IRF6: variants seen among roughly 807,000 people sequenced by gnomAD.
The protein encoded by IRF6 is Van der Woude syndrome.
A neutral mutation model predicts 51.4 loss-of-function variants in IRF6; 6 were observed. The ratio of observed to expected loss-of-function variants is 0.12; its 90% CI spans 0.06 to 0.23. The LOEUF (loss-of-function observed/expected upper bound fraction) is 0.23, where lower values mean the gene tolerates loss of function less well. IRF6 is among the 10% of genes least tolerant of loss of function. The pLI is 1.00. For synonymous variants in IRF6, 178 were observed against 215.7 expected, an observed-to-expected ratio of 0.83 and a Z score of 1.53; for missense variants, 348 against 585.2, an observed-to-expected ratio of 0.59 and a Z score of 4.18.
At chr1:209,798,908 CAAAA>C (rs61182544) in intron 3 of IRF6, among the ~76,000 whole-genome samples, 1 of 99,096 alleles carries the variant, frequency 1.0e-5, no homozygotes, top group African/African-American at 4.2e-5. Context: ...GACTCTGTCT[CAAAA>C]AAAAAAAAAA....
intron 4 of IRF6, among the ~76,000 whole-genome samples, chr1:209,795,839 T>G (rs924950396): frequency 1.2e-4 from 17 of 144,632 alleles, no homozygotes; most frequent in African/African-American, 4.0e-4. Context: ...ATTAAAAAAT[T>G]TTTTTAACAG....
chr1:209,790,804 G>A lies in IRF6; in HGVS notation c.751C>T (p.Leu251Phe). The change falls in exon 7 of 9, where the codon CTC (leucine) becomes TTC (phenylalanine). Residue 251 changes from leucine to phenylalanine, a missense_variant. Coordinates refer to ENST00000367021, the MANE Select transcript of IRF6 (RefSeq NM_006147.4). The surrounding 1 kb of genome is among the most constrained non-coding windows in gnomAD (Gnocchi z 4.8). The stretch of plus-strand genomic sequence containing the variant: ...ATGGGACCCAGGTCCCCATAGAAGA[G>A]TCGGCAGCCCTGAGGGTTGCTCACG... ...MTVSNPQGCR[L>F]FYGDLGPMPD... 1 of 1,614,134 alleles carries A rather than the reference G, an allele frequency of 6.2e-7. No homozygotes were observed. Among genetic ancestry groups the A allele is most frequent in the South Asian group, 1.1e-5 (1 of 91,078 alleles).
At chr1:209,789,169 T>C (rs2077852841) in intron 8 of IRF6, among the ~76,000 whole-genome samples, 1 of 151,878 alleles carries the variant, frequency 6.6e-6, no homozygotes. Flanking sequence ...CTGCTAAAAA[T>C]AAAATTAGGC....
rs753244751 is a variant in IRF6 at position 209,801,316 on chromosome 1, G to C, written c.98C>G (p.Ser33Cys). 3.7e-6 allele frequency: 6 copies of C among 1,614,030 alleles called. No homozygotes were observed. Among genetic ancestry groups the C allele is most frequent in the South Asian group, 1.1e-5 (1 of 91,086 alleles). ...TTTCCAGGGAATCTGGAAGCGTTTA[G>C]AGTCCCTGTGTAGCCAGATGAGCCC... The part of the protein sequence containing the change: ...YPGLIWLHRD[S>C]KRFQIPWKHA... The change falls in exon 3 of 9, where the codon TCT (serine) becomes TGT (cysteine). Residue 33 changes from serine to cysteine, a missense_variant. By Grantham distance (112) the Ser-to-Cys change is moderately radical. Transcript: ENST00000367021.
At chr1:209,802,490 A>AT (rs2077950054) in intron 1 of IRF6, among the ~76,000 whole-genome samples, 1 of 152,194 alleles carries the variant, frequency 6.6e-6, no homozygotes, top group African/African-American at 2.4e-5. Flanking sequence ...TTGTGTTTGG[A>AT]TTTTTTGGTG....
chr1:209,793,010 G>A (rs2077878343), intron 5 of IRF6: 1 of 151,660 alleles, frequency 6.6e-6, no homozygotes, highest in Non-Finnish European at 1.5e-5. Context: ...TGTAAACCAT[G>A]TGAAAGTATT....
chr1:209,802,758 A>G (rs2077951345), intron 1 of IRF6, among the ~76,000 whole-genome samples: 1 of 152,150 alleles, frequency 6.6e-6, no homozygotes, highest in South Asian at 2.1e-4. Context: ...AAACCAAACA[A>G]CCTTACAGCA....
chr1:209,792,375 G>GCTGCAGTTGCCCACA lies in IRF6; in HGVS notation c.546_560dup (p.Val183_Ser187dup), dbSNP rs2077874489. 1 of 1,614,072 alleles carries GCTGCAGTTGCCCACA rather than the reference G, an allele frequency of 6.2e-7. No homozygotes were observed. Among genetic ancestry groups the GCTGCAGTTGCCCACA allele is most frequent in the Non-Finnish European group, 8.5e-7 (1 of 1,180,038 alleles). On this transcript the variant is annotated inframe_insertion, in exon 6 of 9. Transcript: ENST00000367021. ...CAGTTTTGGGCCACACTGCCTCCGG[G>GCTGCAGTTGCCCACA]CTGCAGTTGCCCACACTGCAATTGC... is the stretch of plus-strand genomic sequence containing the variant.
At position 209,789,771 on chromosome 1, in the gene IRF6, G is replaced by T; in HGVS notation, c.1075C>A (p.Gln359Lys). The change falls in exon 8 of 9, where the codon CAG becomes AAG. Residue 359 changes from glutamine (Q) to lysine (K), a missense_variant. By Grantham distance (53) the Gln-to-Lys change is moderately conservative. Coordinates refer to ENST00000367021, the MANE Select transcript of IRF6 (RefSeq NM_006147.4). ...ETFLSDLIAHQKGQIEKQPPF... is the reference protein window; with the variant it reads ...ETFLSDLIAHKKGQIEKQPPF... ...GGCTGCTTCTCTATCTGTCCTTTCT[G>T]GTGGGCAATGAGATCTGCAGAAAGT... is the stretch of plus-strand genomic sequence containing the variant. The T allele has an allele frequency of 6.2e-7, 1 of 1,613,518 alleles. No homozygotes were observed.
chr1:209,789,881 G>C (rs1332631807), intron 7 of IRF6, 96 bp from the exon 8 acceptor site: 1 of 815,122 alleles, frequency 1.2e-6, no homozygotes, highest in African/African-American at 1.7e-5. Flanking sequence ...ATAGCCACTA[G>C]CCACATGTGC....
At chr1:209,791,159 G>A (rs2077866698) in intron 6 of IRF6, 1 of 567,784 alleles carries the variant, frequency 1.8e-6, no homozygotes. Context: ...ATCAAGTAAA[G>A]TGGTCCTGGT....
At chr1:209,801,465 C>A in intron 2 of IRF6, 49 bp from the exon 3 acceptor site, 3 of 1,435,360 alleles carry the variant, frequency 2.1e-6, no homozygotes, top group East Asian at 2.3e-5. Flanking sequence ...ATTAGGCCAG[C>A]CACTGGGAAC....
chr1:209,796,241 C>A lies in IRF6; in HGVS notation c.379+107G>T, dbSNP rs1234091872. The A allele has an allele frequency of 3.4e-6, 3 of 894,086 alleles. No homozygotes were observed. The highest frequency in any genetic ancestry group is 5.2e-6 in the Non-Finnish European group (3 of 571,638). The allele number at this position is 894,086 out of a possible 1,614,324, so 55.4% of individuals were successfully genotyped here. A position where few individuals can be genotyped will look rare whatever the true frequency, so the allele number is the denominator to read the frequency against. On this transcript the variant is annotated intron_variant, in intron 4 of 8. Transcript: ENST00000367021. This position sits in a 1 kb window ranked among gnomAD's most constrained non-coding sequence, Gnocchi z 4.5. Reference sequence around the variant, plus strand: ...CAGAGAAAGGCTTTCTTGCTTTATCCATCTTAAACTGTGTAAATCAGGCTG... The same window carrying A: ...CAGAGAAAGGCTTTCTTGCTTTATCAATCTTAAACTGTGTAAATCAGGCTG...
intron 3 of IRF6, among the ~76,000 whole-genome samples, chr1:209,800,916 T>C (rs1379385861): frequency 6.6e-6 from 1 of 152,180 alleles, no homozygotes; most frequent in Middle Eastern, 3.2e-3. Flanking sequence ...CTCTGAGTTA[T>C]TGAGGAGGAA....
chr1:209,795,533 C>T (rs1258444240), intron 4 of IRF6, 115 bp from the exon 5 acceptor site: 26 of 1,478,328 alleles, frequency 1.8e-5, no homozygotes, highest in South Asian at 9.4e-5. Context: ...AGGTTCAGTA[C>T]ACACCCTCAA....
At chr1:209,800,777 A>T (rs1014038969) in intron 3 of IRF6, among the ~76,000 whole-genome samples, 1 of 152,118 alleles carries the variant, frequency 6.6e-6, no homozygotes, top group Non-Finnish European at 1.5e-5. Context: ...AAGAAAAAGA[A>T]AGAAAAACTT....
chr1:209,793,897 T>C lies in IRF6; in HGVS notation c.508+1393A>G, dbSNP rs531077906. ...TACATCCATGTTGCTGCAAAAGACA[T>C]GATCTTACTCTTTTTTATGGCTGCA... On this transcript the variant is annotated intron_variant, in intron 5 of 8. Coordinates refer to ENST00000367021, the MANE Select transcript of IRF6 (RefSeq NM_006147.4). 2.0e-3 allele frequency among the ~76,000 whole-genome samples: 298 copies of C among 152,330 alleles called. 2 individuals are homozygous for C. The highest frequency in any genetic ancestry group is 6.8e-3 in the African/African-American group (283 of 41,576).
intron 5 of IRF6, 90 bp downstream of exon 5, chr1:209,795,200 G>A: frequency 6.9e-7 from 1 of 1,439,928 alleles, no homozygotes; most frequent in Non-Finnish European, 9.7e-7. Flanking sequence ...CCTGCTTTCA[G>A]GGCAGTGGTG....
rs148969434 is a variant in IRF6 at position 209,795,534 on chromosome 1, A to T, written c.380-116T>A. On this transcript the variant is annotated intron_variant, in intron 4 of 8. Coordinates refer to ENST00000367021, the MANE Select transcript of IRF6 (RefSeq NM_006147.4). ...CCCAGAGGCTCCTCAGGTTCAGTAC[A>T]CACCCTCAATGTCCTAGCTAAAAAG... 4.2e-4 allele frequency: 613 copies of T among 1,474,524 alleles called. 2 individuals carry two copies. The African/African-American group carries it at 7.8e-3, about 19-fold the overall frequency. 91.3% of individuals were successfully genotyped at this position (1,474,524 alleles called of 1,614,324 possible).
Sources: allele counts gnomAD v4.1 joint callset (sites outside exome capture counted in the v4.1 genomes callset), GRCh38; gene constraint gnomAD v4.1.1; non-coding constraint Gnocchi (gnomAD v3.1); transcripts MANE v1.5; gene names NCBI Gene and HGNC (gene_info 2026-07-23, HGNC 2026-07-21).